CCT8: variants seen among roughly 807,000 people sequenced by gnomAD.
CCT8 encodes the protein T-complex protein 1 subunit theta.
CCT8 carries 10 observed loss-of-function variants against 65.7 expected under a neutral mutation model. That is an observed-to-expected ratio of 0.15 (90% CI 0.09 to 0.26). CCT8 has a LOEUF of 0.26. CCT8 is among the 10% of genes least tolerant of loss of function. CCT8 has a pLI of 1.00. For missense variants in CCT8, 568 were observed against 669.1 expected (o/e 0.85, Z 1.67); for synonymous variants, 199 against 221.8 (o/e 0.90, Z 0.92).
At chr21:29,073,439 C>G (rs2085706535) in intron 1 of CCT8, 92 bp downstream of exon 1, 3 of 1,600,216 alleles carry the variant, frequency 1.9e-6, no homozygotes, top group South Asian at 1.1e-5. Flanking sequence ...CAGGGCAGCA[C>G]GCTCAGCCCG....
At chr21:29,062,772 T>A (rs1387973052) in intron 8 of CCT8, 1 of 585,100 alleles carries the variant, frequency 1.7e-6, no homozygotes, top group Non-Finnish European at 3.0e-6. Flanking sequence ...GTACCACATC[T>A]TAAGCCTGTG....
chr21:29,057,571 G>T (rs2085512106), intron 14 of CCT8, among the ~76,000 whole-genome samples: 2 of 85,026 alleles, frequency 2.4e-5, no homozygotes, highest in Non-Finnish European at 7.3e-5. Context: ...TTTGAGACCA[G>T]CCTGGGCAAC....
chr21:29,070,378 G>A (rs1321611824), intron 1 of CCT8, 41 bp from the exon 2 acceptor site: 1 of 1,301,198 alleles, frequency 7.7e-7, no homozygotes, highest in Non-Finnish European at 1.1e-6. Context: ...TAATTAGACA[G>A]GACAGTGAAA....
At chr21:29,065,747 T>G (rs766826147) in intron 6 of CCT8, among the ~76,000 whole-genome samples, 4 of 152,248 alleles carry the variant, frequency 2.6e-5, no homozygotes, top group Non-Finnish European at 5.9e-5. Flanking sequence ...AACTGTCTTA[T>G]AAGCTTATTA....
chr21:29,062,602 G>C (rs756575146), intron 8 of CCT8, 46 bp from the exon 9 acceptor site: 31 of 1,485,310 alleles, frequency 2.1e-5, no homozygotes, highest in Non-Finnish European at 2.6e-5. Flanking sequence ...ATCAATTTCA[G>C]ATAGCATATA....
At chr21:29,063,843 C>T (rs186261788) in intron 7 of CCT8, among the ~76,000 whole-genome samples, 66 of 152,186 alleles carry the variant, frequency 4.3e-4, no homozygotes, top group South Asian at 1.7e-3. Context: ...CTCGGCTCAC[C>T]GCAACCTCTG....
At chr21:29,073,265 G>T in intron 1 of CCT8, 1 of 1,335,002 alleles carries the variant, frequency 7.5e-7, no homozygotes, top group Non-Finnish European at 9.6e-7. Flanking sequence ...CGCACGCGCG[G>T]CTTCACATCC....
At chr21:29,061,883 G>A (rs1350102374) in intron 11 of CCT8, among the ~76,000 whole-genome samples, 2 of 152,084 alleles carry the variant, frequency 1.3e-5, no homozygotes, top group East Asian at 1.9e-4. Context: ...GGAAAACAAC[G>A]ATAAACAATT....
chr21:29,073,331 C>A, intron 1 of CCT8, 200 bp downstream of exon 1: 2 of 1,417,008 alleles, frequency 1.4e-6, no homozygotes, highest in South Asian at 3.0e-5. Context: ...GGCCTTCTCC[C>A]GGTCGCGGAA....
chr21:29,067,530 G>A, intron 4 of CCT8, 26 bp downstream of exon 4: 2 of 1,427,340 alleles, frequency 1.4e-6, no homozygotes, highest in Non-Finnish European at 9.2e-7. Context: ...AAATTTAGTA[G>A]GAGTAAATTA....
rs2085665057 is a variant in CCT8 at position 29,070,121 on chromosome 21, A to G, written c.151+126T>C. On this transcript the variant is annotated intron_variant, in intron 2 of 14. Coordinates refer to ENST00000286788, the MANE Select transcript of CCT8 (RefSeq NM_006585.4). ...AGAAATAACTAAAAATTGGAAATGAACTATCATTGAGCTATCAAATTAACT... is the reference window on the plus strand; with the variant it reads ...AGAAATAACTAAAAATTGGAAATGAGCTATCATTGAGCTATCAAATTAACT... The G allele has an allele frequency of 5.6e-5, 28 of 500,950 alleles. No homozygotes were observed. In the South Asian group the frequency reaches 1.1e-3, roughly 19 times the overall value. 31.0% of individuals were successfully genotyped at this position (500,950 alleles called of 1,614,324 possible).
At chr21:29,070,372 TAGACAGGACAGTGAAAC>T (rs2085667959) in intron 1 of CCT8, 35 bp from the exon 2 acceptor site, 1 of 1,374,084 alleles carries the variant, frequency 7.3e-7, no homozygotes, top group South Asian at 1.2e-5. Context: ...CCCCGCTAAT[TAGACAGGACAGTGAAAC>T]AAAAATTTCA....
intron 2 of CCT8, 120 bp from the exon 3 acceptor site, chr21:29,069,622 A>C (rs2085660620): frequency 1.8e-6 from 1 of 558,272 alleles, no homozygotes; most frequent in Non-Finnish European, 3.1e-6. Context: ...AGAGCTTTGC[A>C]AGAAAACACA....
intron 3 of CCT8, 92 bp downstream of exon 3, chr21:29,069,331 T>A (rs2085657328): frequency 1.5e-6 from 1 of 666,784 alleles, no homozygotes; most frequent in Admixed American, 3.0e-5. Flanking sequence ...TAGTCCCTTA[T>A]CCAATCTGAA....
At chr21:29,058,916 A>G (rs2085533418) in intron 14 of CCT8, among the ~76,000 whole-genome samples, 1 of 151,588 alleles carries the variant, frequency 6.6e-6, no homozygotes, top group Non-Finnish European at 1.5e-5. Context: ...TTTCTTATTT[A>G]TTTTTAGTTT....
intron 1 of CCT8, 134 bp downstream of exon 1, chr21:29,073,397 T>C: frequency 6.7e-7 from 1 of 1,499,096 alleles, no homozygotes; most frequent in South Asian, 1.3e-5. Context: ...CACCTCCCTT[T>C]CTGGAATCTT....
chr21:29,069,468 C>T lies in CCT8; in HGVS notation c.186G>A (p.Lys62=). The T allele has an allele frequency of 1.9e-6, 3 of 1,582,222 alleles. No individual in the cohort carries two copies. Among genetic ancestry groups the T allele is most frequent in the Non-Finnish European group, 2.6e-6 (3 of 1,166,728 alleles). ...MNKMVINHLE[K]LFVTNDAATI... is the part of the protein sequence containing the mutation. ...TTGCTGCATCGTTTGTCACAAACAACTTCTCCAAGTGGTTGATAACCATTT... is the reference window on the plus strand; with the variant it reads ...TTGCTGCATCGTTTGTCACAAACAATTTCTCCAAGTGGTTGATAACCATTT... Residue 62 remains lysine (K), a synonymous_variant, in exon 3 of 15, where the codon AAG becomes AAA. Coordinates refer to ENST00000286788, the MANE Select transcript of CCT8 (RefSeq NM_006585.4).
chr21:29,061,604 C>T (rs1297084108), intron 11 of CCT8, 37 bp from the exon 12 acceptor site: 1 of 1,581,946 alleles, frequency 6.3e-7, no homozygotes, highest in East Asian at 2.2e-5. Context: ...AAAATGAACA[C>T]AAAACAAATT....
intron 1 of CCT8, among the ~76,000 whole-genome samples, chr21:29,071,677 A>C (rs1053172537): frequency 6.6e-6 from 1 of 151,844 alleles, no homozygotes; most frequent in African/African-American, 2.4e-5. Flanking sequence ...TGAGCCACCA[A>C]CCCCTGCCAA....
Sources: allele counts gnomAD v4.1 joint callset (sites outside exome capture counted in the v4.1 genomes callset), GRCh38; gene constraint gnomAD v4.1.1; transcripts MANE v1.5; gene names NCBI Gene and HGNC (gene_info 2026-07-23, HGNC 2026-07-21).